The following KPNA6 variants were observed in gnomAD, a reference collection of about 807,000 sequenced individuals.
KPNA6 encodes karyopherin subunit alpha 6.
In KPNA6, 9 loss-of-function variants were observed where a neutral mutation model predicts 72.0. The observed-to-expected ratio is 0.13, with a 90% confidence interval of 0.08 to 0.22. The LOEUF is 0.22. Ranked by LOEUF, KPNA6 falls within the 10% of genes least tolerant of loss-of-function variation. KPNA6 has a pLI of 1.00. For synonymous variants in KPNA6, 219 were observed against 242.1 expected (o/e 0.90, Z 0.89); for missense variants, 374 against 655.7 (o/e 0.57, Z 4.69).
At chr1:32,160,826 C>A in intron 7 of KPNA6, 123 bp downstream of exon 7, 2 of 692,248 alleles carry the variant, frequency 2.9e-6, no homozygotes. Context: ...AAAATGCATT[C>A]TGATTGCCAA....
chr1:32,152,883 G>A (rs752715652), intron 1 of KPNA6, among the ~76,000 whole-genome samples: 4 of 150,672 alleles, frequency 2.7e-5, no homozygotes, highest in African/African-American at 9.8e-5. Flanking sequence ...TTAGCCCTGC[G>A]TGCACACCTG....
chr1:32,133,684 AAAAAC>A (rs1002749724), intron 1 of KPNA6, among the ~76,000 whole-genome samples: 2 of 152,090 alleles, frequency 1.3e-5, no homozygotes, highest in Admixed American at 1.3e-4. Flanking sequence ...AACCTGTCTC[AAAAAC>A]AAAACAAAAC....
At position 32,172,625 on chromosome 1, in the gene KPNA6, G is replaced by A. The variant is rs1483329773; in HGVS notation, c.*1731G>A. On this transcript the variant is annotated 3_prime_UTR_variant, in exon 14 of 14. Transcript: ENST00000373625. ...TCTTCTTTCTGTTTGAATTACGGTA[G>A]TGCATTGCCTTAGTGGCTTGCCTGT... The A allele has an allele frequency of 1.3e-5, 2 of 152,688 alleles. No homozygotes were observed. Among genetic ancestry groups the A allele is most frequent in the Admixed American group, 1.3e-4 (2 of 15,080 alleles). The allele number at this position is 152,688 out of a possible 1,614,324, so 9.5% of individuals were successfully genotyped here.
Position 32,172,873 on chromosome 1 carries a change from A to T in KPNA6, c.*1979A>T, listed in dbSNP as rs1274909012. The T allele has an allele frequency of 2.6e-6, 1 of 389,378 alleles. No homozygotes were observed. The highest frequency in any genetic ancestry group is 3.6e-5 in the East Asian group (1 of 27,470). The allele number at this position is 389,378 out of a possible 1,614,324, so 24.1% of individuals were successfully genotyped here. The stretch of plus-strand genomic sequence containing the variant: ...CACATCTCCTTCTGGCTCAGGTGAA[A>T]TCCATGCCCTTCTGCTTATAGACCT... On this transcript the variant is annotated 3_prime_UTR_variant, in exon 14 of 14. Coordinates refer to ENST00000373625, the MANE Select transcript of KPNA6 (RefSeq NM_012316.5).
chr1:32,128,455 AT>A (rs1270448970), intron 1 of KPNA6, among the ~76,000 whole-genome samples: 15 of 133,436 alleles, frequency 1.1e-4, no homozygotes, highest in Admixed American at 6.2e-4. Context: ...ATATATACAC[AT>A]TTTTTTTTTC....
At chr1:32,169,067 T>A (rs1408068777) in intron 12 of KPNA6, among the ~76,000 whole-genome samples, 5 of 152,056 alleles carry the variant, frequency 3.3e-5, no homozygotes. Context: ...AGAGAAAGGA[T>A]AAGCGGTTAT....
At chr1:32,165,418 G>GT (rs1642314362) in intron 10 of KPNA6, among the ~76,000 whole-genome samples, 1 of 152,036 alleles carries the variant, frequency 6.6e-6, no homozygotes. Context: ...GCCAGGTGCA[G>GT]TGGCTCATGC....
At chr1:32,136,391 C>T (rs1024616999) in intron 1 of KPNA6, among the ~76,000 whole-genome samples, 2 of 152,078 alleles carry the variant, frequency 1.3e-5, no homozygotes, top group Non-Finnish European at 2.9e-5. Context: ...CCAGGCTGGT[C>T]TCAAACTCCT....
At chr1:32,142,842 T>C in intron 1 of KPNA6, 1 of 772,200 alleles carries the variant, frequency 1.3e-6, no homozygotes, top group Non-Finnish European at 1.8e-6. Flanking sequence ...CTCCTTCCAA[T>C]CTAACCTCCC....
intron 1 of KPNA6, among the ~76,000 whole-genome samples, chr1:32,122,873 C>T (rs1012320894): frequency 2.0e-5 from 3 of 150,308 alleles, no homozygotes; most frequent in African/African-American, 7.4e-5. Flanking sequence ...AGGACAGTCG[C>T]TTGAACCTGG....
At chr1:32,131,905 G>A (rs189021272) in intron 1 of KPNA6, among the ~76,000 whole-genome samples, 2 of 151,046 alleles carry the variant, frequency 1.3e-5, no homozygotes, top group Non-Finnish European at 3.0e-5. Flanking sequence ...TACAAATGAG[G>A]ATACATTTTC....
intron 1 of KPNA6, among the ~76,000 whole-genome samples, chr1:32,151,381 T>C (rs1642029989): frequency 6.6e-6 from 1 of 152,228 alleles, no homozygotes; most frequent in Admixed American, 6.5e-5. Context: ...TGGGAACTGC[T>C]GAGCTTACAT....
Position 32,170,970 on chromosome 1 carries a change from AC to A in KPNA6, c.*78del. ...AGAGCAGCCCTCTGGTGGGCGGGAA[AC>A]CAGTGTCCCCACCATCAGCCACCAC... On this transcript the variant is annotated 3_prime_UTR_variant, in exon 14 of 14. Coordinates refer to ENST00000373625, the MANE Select transcript of KPNA6 (RefSeq NM_012316.5). 1 of 1,343,712 alleles carries A rather than the reference AC, an allele frequency of 7.4e-7. No homozygotes were observed. Among genetic ancestry groups the A allele is most frequent in the South Asian group, 1.2e-5 (1 of 82,782 alleles). 83.2% of individuals were successfully genotyped at this position (1,343,712 alleles called of 1,614,324 possible). A position where few individuals can be genotyped will look rare whatever the true frequency, so the allele number is the denominator to read the frequency against.
intron 1 of KPNA6, among the ~76,000 whole-genome samples, chr1:32,127,968 A>AACAC (rs910794091): frequency 2.6e-5 from 4 of 152,142 alleles, no homozygotes; most frequent in Admixed American, 1.3e-4. Flanking sequence ...GGTTATCTGC[A>AACAC]ACACACACAC....
intron 1 of KPNA6, among the ~76,000 whole-genome samples, chr1:32,128,407 A>ATT (rs1641575965): frequency 7.8e-6 from 1 of 127,460 alleles, no homozygotes; most frequent in African/African-American, 3.1e-5. Context: ...ATATATATAT[A>ATT]TATATATATA....
rs1642451931 is a variant in KPNA6, at chr1:32,172,247, T to G, written c.*1353T>G. The G allele has an allele frequency of 6.6e-6, 1 of 152,056 alleles. No individual in the cohort carries two copies. Among genetic ancestry groups the G allele is most frequent in the Non-Finnish European group, 1.5e-5 (1 of 68,024 alleles). 9.4% of individuals were successfully genotyped at this position (152,056 alleles called of 1,614,324 possible). A position where few individuals can be genotyped will look rare whatever the true frequency, so the allele number is the denominator to read the frequency against. On this transcript the variant is annotated 3_prime_UTR_variant, in exon 14 of 14. Coordinates refer to ENST00000373625, the MANE Select transcript of KPNA6 (RefSeq NM_012316.5). Reference sequence around the variant, plus strand: ...CTGGACCACCACCTGGGACCAACCTTCAGCTCTGGAACCTTCATAAAGCAG... The same window carrying G: ...CTGGACCACCACCTGGGACCAACCTGCAGCTCTGGAACCTTCATAAAGCAG...
At chr1:32,114,450 AAAT>A (rs1641294244) in intron 1 of KPNA6, among the ~76,000 whole-genome samples, 1 of 147,432 alleles carries the variant, frequency 6.8e-6, no homozygotes, top group Non-Finnish European at 1.5e-5. Flanking sequence ...TCAAAAAAAA[AAAT>A]ATATATATAT....
intron 1 of KPNA6, among the ~76,000 whole-genome samples, chr1:32,152,449 TA>T (rs1375313983): frequency 6.6e-6 from 1 of 152,214 alleles, no homozygotes; most frequent in Non-Finnish European, 1.5e-5. Flanking sequence ...ATGGGACACT[TA>T]TGTAAATTGA....
In KPNA6 at chr1:32,170,822, C is replaced by T. The variant is rs1227870723; in HGVS notation, c.1539C>T (p.Pro513=). The T allele has an allele frequency of 1.2e-6, 2 of 1,614,054 alleles. No individual in the cohort carries two copies. Among genetic ancestry groups the T allele is most frequent in the African/African-American group, 2.7e-5 (2 of 74,912 alleles). The change falls in exon 14 of 14, where the codon CCC becomes CCT. Residue 513 remains proline, a synonymous_variant. Coordinates refer to ENST00000373625, the MANE Select transcript of KPNA6 (RefSeq NM_012316.5). The stretch of plus-strand genomic sequence containing the variant: ...AAGACGATGATAGCAGCCTGGCTCC[C>T]CAAGTCGATGAAACGCAACAGCAGT... ...GVEDDDSSLA[P]QVDETQQQFI... is the part of the protein sequence containing the mutation.
Sources: allele counts gnomAD v4.1 joint callset (sites outside exome capture counted in the v4.1 genomes callset), GRCh38; gene constraint gnomAD v4.1.1; transcripts MANE v1.5; gene names NCBI Gene and HGNC (gene_info 2026-07-23, HGNC 2026-07-21).